The following NLGN1 variants were observed in gnomAD, a reference collection of about 807,000 sequenced individuals.
NLGN1 encodes the protein neuroligin 1, also known as neuroligin-1.
In NLGN1, 12 loss-of-function variants were observed where a neutral mutation model predicts 65.5. The ratio of observed to expected loss-of-function variants is 0.18; its 90% CI spans 0.12 to 0.30. The LOEUF (loss-of-function observed/expected upper bound fraction) is 0.30. Ranked by LOEUF, NLGN1 falls within the 10% of genes least tolerant of loss-of-function variation. NLGN1 has a pLI of 1.00. For missense variants in NLGN1, 750 were observed against 1,007.1 expected (o/e 0.74, Z 3.46); for synonymous variants, 350 against 359.5 (o/e 0.97, Z 0.30).
At chr3:174,147,641 A>T (rs1273814586) in intron 4 of NLGN1, among the ~76,000 whole-genome samples, 11 of 151,312 alleles carry the variant, frequency 7.3e-5, no homozygotes, top group Admixed American at 6.6e-4. Flanking sequence ...TCACATTTTT[A>T]AATTCTGGAA....
chr3:174,267,546 C>T (rs1483462525), intron 4 of NLGN1, among the ~76,000 whole-genome samples: 1 of 152,114 alleles, frequency 6.6e-6, no homozygotes, highest in African/African-American at 2.4e-5. Context: ...GTATTCTAGA[C>T]CAGTATTCTG....
chr3:174,071,257 A>T (rs1480802204), intron 4 of NLGN1, among the ~76,000 whole-genome samples: 1 of 152,176 alleles, frequency 6.6e-6, no homozygotes, highest in Non-Finnish European at 1.5e-5. Flanking sequence ...AGCCAGGAAG[A>T]CAGAGAAATG....
chr3:174,180,289 TG>T (rs1730151199), intron 4 of NLGN1, among the ~76,000 whole-genome samples: 1 of 152,182 alleles, frequency 6.6e-6, no homozygotes, highest in Admixed American at 6.6e-5. Flanking sequence ...TTCGGAGCTT[TG>T]TAGCTTCCTC....
rs56907954 is a variant in NLGN1 at position 173,463,686 on chromosome 3, T to C, written c.-321+28608T>C. On this transcript the variant is annotated intron_variant, in intron 2 of 6. Transcript: ENST00000457714. The stretch of plus-strand genomic sequence containing the variant: ...TTCCTGGTATCCTTTCAACTATGTA[T>C]TTGTGTGTGGGTGGATTGTCTTCTA... 8.2e-3 allele frequency among the ~76,000 whole-genome samples: 1,244 copies of C among 152,194 alleles called. 24 individuals are homozygous for C. Among genetic ancestry groups the C allele is most frequent in the African/African-American group, 0.029 (1,201 of 41,514 alleles).
chr3:174,080,922 GGTGTGTGTGT>G (rs571057944), intron 4 of NLGN1, among the ~76,000 whole-genome samples: 2 of 141,202 alleles, frequency 1.4e-5, no homozygotes, highest in African/African-American at 2.7e-5. Context: ...TGACATTCCT[GGTGTGTGTGT>G]GTGTGTGTGT....
intron 4 of NLGN1, among the ~76,000 whole-genome samples, chr3:173,868,045 C>A (rs1256434980): frequency 6.6e-6 from 1 of 152,146 alleles, no homozygotes; most frequent in Non-Finnish European, 1.5e-5. Flanking sequence ...ATATTACAAA[C>A]CTGTAACTTT....
chr3:174,283,796 C>A (rs571420632), exon 7 of NLGN1: 6 of 151,520 alleles, frequency 4.0e-5, no homozygotes, highest in African/African-American at 1.4e-4. Context: ...TGCTTTTCAA[C>A]TGTGAACTGC....
intron 2 of NLGN1, among the ~76,000 whole-genome samples, chr3:173,468,286 A>G (rs1230681306): frequency 1.3e-5 from 2 of 152,024 alleles, no homozygotes; most frequent in Non-Finnish European, 2.9e-5. Flanking sequence ...ATGTGGCCAT[A>G]TATTCTCTCA....
intron 2 of NLGN1, among the ~76,000 whole-genome samples, chr3:173,546,905 A>G (rs189786988): frequency 7.7e-4 from 117 of 152,348 alleles, no homozygotes; most frequent in Non-Finnish European, 1.2e-3. Flanking sequence ...TTTATAACTT[A>G]GAAAGTAATA....
chr3:173,789,918 G>A (rs1294298939), intron 3 of NLGN1: 2 of 506,312 alleles, frequency 4.0e-6, no homozygotes, highest in Non-Finnish European at 7.9e-6. Flanking sequence ...TTGAGGACAA[G>A]GCACCTGTGA....
intron 2 of NLGN1, among the ~76,000 whole-genome samples, chr3:173,441,291 A>C (rs553272776): frequency 2.0e-5 from 3 of 152,302 alleles, no homozygotes; most frequent in South Asian, 2.1e-4. Flanking sequence ...TGTTCAGTGG[A>C]GTCACACTTT....
intron 4 of NLGN1, among the ~76,000 whole-genome samples, chr3:174,017,921 G>A (rs1434950872): frequency 6.6e-6 from 1 of 152,114 alleles, no homozygotes; most frequent in Non-Finnish European, 1.5e-5. Context: ...CAGACAACTG[G>A]TCTGACCAAA....
At chr3:174,144,532 A>G (rs557865562) in intron 4 of NLGN1, among the ~76,000 whole-genome samples, 14 of 152,300 alleles carry the variant, frequency 9.2e-5, no homozygotes, top group Non-Finnish European at 1.5e-4. Context: ...ACTCCCACCA[A>G]CAGTGTAAAA....
At chr3:173,456,507 TAA>T (rs1722537330) in intron 2 of NLGN1, among the ~76,000 whole-genome samples, 1 of 152,168 alleles carries the variant, frequency 6.6e-6, no homozygotes. Context: ...ATGAATTAAA[TAA>T]GTGTAATGTG....
chr3:173,831,376 A>G (rs1352732941), intron 4 of NLGN1, among the ~76,000 whole-genome samples: 2 of 152,206 alleles, frequency 1.3e-5, no homozygotes, highest in Non-Finnish European at 2.9e-5. Context: ...GTGTGTTTCA[A>G]AGTGCAAGTT....
intron 3 of NLGN1, among the ~76,000 whole-genome samples, chr3:173,636,547 A>G (rs994082374): frequency 4.6e-5 from 7 of 151,656 alleles, no homozygotes; most frequent in Non-Finnish European, 1.0e-4. Flanking sequence ...CTCTTAGCAT[A>G]TCGTTTTTTT....
intron 1 of NLGN1, among the ~76,000 whole-genome samples, chr3:173,431,890 TCCTC>T (rs141302541): frequency 0.016 from 2,477 of 152,244 alleles, 67 homozygotes; most frequent in African/African-American, 0.056. Context: ...ATTTATATCT[TCCTC>T]CCCACCAGCC....
At chr3:173,522,674 C>A (rs900433105) in intron 2 of NLGN1, among the ~76,000 whole-genome samples, 2 of 152,110 alleles carry the variant, frequency 1.3e-5, no homozygotes, top group East Asian at 1.9e-4. Context: ...ACCTAGTGAT[C>A]CACCCACCTT....
chr3:173,520,756 A>G (rs1734620374), intron 2 of NLGN1, among the ~76,000 whole-genome samples: 1 of 152,222 alleles, frequency 6.6e-6, no homozygotes, highest in Admixed American at 6.5e-5. Flanking sequence ...ACAAACAAAC[A>G]GAAGAGATGG....
Sources: gnomAD v4.1 joint callset for allele counts (sites outside exome capture counted in the v4.1 genomes callset) on GRCh38, gnomAD v4.1.1 for gene constraint, MANE v1.5 for transcripts, NCBI Gene and HGNC (gene_info 2026-07-23, HGNC 2026-07-21) for gene names.